LRRC7: variants seen among roughly 807,000 people sequenced by gnomAD.
The protein encoded by LRRC7 is leucine rich repeat containing 7, also known as leucine-rich repeat-containing protein 7.
A neutral mutation model predicts 175.7 loss-of-function variants in LRRC7; 23 were observed. The observed-to-expected ratio is 0.13, with a 90% CI of 0.09 to 0.19. The LOEUF (loss-of-function observed/expected upper bound fraction) is 0.19. LRRC7 is among the 10% of genes least tolerant of loss of function. The pLI, the probability that LRRC7 is intolerant of heterozygous loss-of-function variation, is 1.00. For missense variants in LRRC7, 1,354 were observed against 1,904.7 expected (o/e 0.71, Z 5.38); for synonymous variants, 685 against 680.9 (o/e 1.01, Z -0.09).
intron 2 of LRRC7, among the ~76,000 whole-genome samples, chr1:69,705,933 A>T (rs116208318): frequency 6.6e-6 from 1 of 152,166 alleles, no homozygotes; most frequent in South Asian, 2.1e-4. Context: ...CAATCAATGC[A>T]TTCTACCACA....
chr1:69,663,034 T>A (rs931239897), intron 1 of LRRC7, among the ~76,000 whole-genome samples: 9 of 152,190 alleles, frequency 5.9e-5, no homozygotes, highest in African/African-American at 2.2e-4. Flanking sequence ...GCCCTGTTCT[T>A]TTTTTTCCCT....
chr1:69,650,818 A>G (rs1167564971), intron 1 of LRRC7, among the ~76,000 whole-genome samples: 2 of 152,184 alleles, frequency 1.3e-5, no homozygotes, highest in African/African-American at 4.8e-5. Flanking sequence ...ACTCCTTGGC[A>G]GAATTTGGGA....
At chr1:69,827,295 C>T (rs776865075) in intron 5 of LRRC7, among the ~76,000 whole-genome samples, 3 of 152,028 alleles carry the variant, frequency 2.0e-5, no homozygotes, top group Non-Finnish European at 4.4e-5. Flanking sequence ...ATTTAGGAAT[C>T]ATGGTAGGTC....
At chr1:69,612,942 C>G (rs1231060241) in intron 1 of LRRC7, among the ~76,000 whole-genome samples, 1 of 152,082 alleles carries the variant, frequency 6.6e-6, no homozygotes, top group Non-Finnish European at 1.5e-5. Context: ...ATTACAAGCT[C>G]TCGACACACT....
At chr1:69,859,917 T>C (rs1279410302) in intron 7 of LRRC7, among the ~76,000 whole-genome samples, 1 of 152,014 alleles carries the variant, frequency 6.6e-6, no homozygotes, top group Non-Finnish European at 1.5e-5. Context: ...AATCTTTTAG[T>C]ATTAGTAAGT....
At chr1:69,737,567 T>TC (rs541344907) in intron 2 of LRRC7, among the ~76,000 whole-genome samples, 63 of 152,010 alleles carry the variant, frequency 4.1e-4, no homozygotes, top group Non-Finnish European at 7.8e-4. Context: ...ACCCAGAGAC[T>TC]CCCCCACATG....
intron 8 of LRRC7, among the ~76,000 whole-genome samples, chr1:69,955,819 C>T (rs1650430445): frequency 6.6e-6 from 1 of 151,676 alleles, no homozygotes; most frequent in Non-Finnish European, 1.5e-5. Context: ...TACATTGAGC[C>T]AATAAATATT....
intron 7 of LRRC7, among the ~76,000 whole-genome samples, chr1:69,896,341 A>G: frequency 6.6e-6 from 1 of 152,268 alleles, no homozygotes; most frequent in East Asian, 1.9e-4. Flanking sequence ...GAAATATACA[A>G]TAGATGATTA....
chr1:69,614,409 C>T (rs116105484), intron 1 of LRRC7, among the ~76,000 whole-genome samples: 1,917 of 152,022 alleles, frequency 0.013, 23 homozygotes, highest in Non-Finnish European at 0.019. Flanking sequence ...TAGAGTACAC[C>T]CCTGGAGTAC....
chr1:69,622,006 T>C (rs932635820), intron 1 of LRRC7, among the ~76,000 whole-genome samples: 5 of 152,234 alleles, frequency 3.3e-5, no homozygotes, highest in Non-Finnish European at 5.9e-5. Flanking sequence ...TCTTATATGT[T>C]ATACTTTACC....
intron 1 of LRRC7, among the ~76,000 whole-genome samples, chr1:69,604,650 G>A (rs1647246026): frequency 6.6e-6 from 1 of 151,888 alleles, no homozygotes; most frequent in Admixed American, 6.6e-5. Flanking sequence ...ATTTTTTATT[G>A]TTTTATGAGT....
At chr1:69,865,917 T>C (rs1405505920) in intron 7 of LRRC7, among the ~76,000 whole-genome samples, 3 of 152,312 alleles carry the variant, frequency 2.0e-5, no homozygotes, top group Admixed American at 2.0e-4. Flanking sequence ...TAGGTGTCTC[T>C]GCCAAATGGA....
At position 70,129,919 on chromosome 1, in the gene LRRC7, C is replaced by T. The variant is rs543713937; in HGVS notation, c.*8032C>T. 3.3e-5 allele frequency among the ~76,000 whole-genome samples: 5 copies of T among 152,224 alleles called. No individual in the cohort carries two copies. In the East Asian group the frequency reaches 5.8e-4, roughly 18 times the overall value. The stretch of plus-strand genomic sequence containing the variant: ...ATAAATCCTTACTTTTCCAAGTATT[C>T]GCTGTGTTTTATATTTCAGCTTTTG... On this transcript the variant is annotated 3_prime_UTR_variant, in exon 27 of 27. Coordinates refer to ENST00000651989, the MANE Select transcript of LRRC7 (RefSeq NM_001370785.2).
intron 24 of LRRC7, among the ~76,000 whole-genome samples, chr1:70,085,578 G>A (rs1663542872): frequency 1.3e-5 from 2 of 151,770 alleles, no homozygotes; most frequent in Admixed American, 1.3e-4. Flanking sequence ...TTTTCTTATT[G>A]TTCATTGTTT....
chr1:69,850,558 A>C (rs1161417940), intron 7 of LRRC7, among the ~76,000 whole-genome samples: 1 of 152,068 alleles, frequency 6.6e-6, no homozygotes, highest in African/African-American at 2.4e-5. Context: ...AATGTTGATG[A>C]CTTTGTCTGA....
At chr1:70,109,268 C>T (rs1444075524) in intron 26 of LRRC7, among the ~76,000 whole-genome samples, 1 of 152,102 alleles carries the variant, frequency 6.6e-6, no homozygotes, top group East Asian at 1.9e-4. Flanking sequence ...GTGGTCTGCC[C>T]GCCTTGGCCT....
chr1:70,045,690 C>T (rs532388587), intron 22 of LRRC7, among the ~76,000 whole-genome samples: 1 of 152,118 alleles, frequency 6.6e-6, no homozygotes, highest in South Asian at 2.1e-4. Flanking sequence ...AAAGACATAC[C>T]CAAGACTGGG....
At chr1:69,905,167 T>C (rs1173435107) in intron 7 of LRRC7, among the ~76,000 whole-genome samples, 3 of 152,112 alleles carry the variant, frequency 2.0e-5, no homozygotes, top group African/African-American at 4.8e-5. Context: ...GCATATGCCT[T>C]TATGCTAGAG....
In LRRC7 at chr1:70,141,280, GT is replaced by G. The variant is rs573357515; in HGVS notation, c.*19398del. On this transcript the variant is annotated 3_prime_UTR_variant, in exon 27 of 27. Coordinates refer to ENST00000651989, the MANE Select transcript of LRRC7 (RefSeq NM_001370785.2). ...GAAATGGAGCATGGAGAAAGAAAGG[GT>G]TTTTAAGAGTTAAGTCAGTAGAAAG... 6.6e-6 allele frequency: 1 copy of G among 152,086 alleles called. No individual in the cohort carries two copies. The highest frequency in any genetic ancestry group is 2.4e-5 in the African/African-American group (1 of 41,406). 9.4% of individuals were successfully genotyped at this position (152,086 alleles called of 1,614,324 possible). A position where few individuals can be genotyped will look rare whatever the true frequency, so the allele number is the denominator to read the frequency against.
Sources: allele counts gnomAD v4.1 joint callset (sites outside exome capture counted in the v4.1 genomes callset), GRCh38; gene constraint gnomAD v4.1.1; transcripts MANE v1.5; gene names NCBI Gene and HGNC (gene_info 2026-07-23, HGNC 2026-07-21).